Variants in PDE4B observed in about 807,000 individuals in gnomAD.
The protein encoded by PDE4B is 3',5'-cyclic-AMP phosphodiesterase 4B.
In PDE4B, 20 loss-of-function variants were observed where a neutral mutation model predicts 82.2. The observed-to-expected ratio is 0.24, with a 90% CI of 0.17 to 0.35. The LOEUF is 0.35. Among genes scored for constraint, PDE4B ranks in the 10% least tolerant of loss-of-function variants. PDE4B has a pLI of 1.00. For missense variants in PDE4B, 655 were observed against 907.2 expected, an observed-to-expected ratio of 0.72 and a Z score of 3.57; for synonymous variants, 320 against 318.9, an observed-to-expected ratio of 1.00 and a Z score of -0.04.
chr1:65,825,341 A>G (rs1321871761), intron 1 of PDE4B, among the ~76,000 whole-genome samples: 1 of 152,192 alleles, frequency 6.6e-6, no homozygotes, highest in Non-Finnish European at 1.5e-5. Context: ...GAACACAAGG[A>G]TGGAAAGAGA....
At chr1:66,322,621 C>A (rs749895157) in intron 7 of PDE4B, among the ~76,000 whole-genome samples, 3 of 151,894 alleles carry the variant, frequency 2.0e-5, no homozygotes, top group Non-Finnish European at 4.4e-5. Context: ...TACCATCTCA[C>A]GCCAGTTAGA....
At chr1:66,268,897 G>T (rs1027417824) in intron 7 of PDE4B, among the ~76,000 whole-genome samples, 16 of 151,910 alleles carry the variant, frequency 1.1e-4, no homozygotes, top group Admixed American at 9.2e-4. Flanking sequence ...AAGGCTTCTT[G>T]TGTGTCTCTC....
intron 3 of PDE4B, among the ~76,000 whole-genome samples, chr1:66,198,490 A>C (rs1648535138): frequency 6.6e-6 from 1 of 152,182 alleles, no homozygotes; most frequent in African/African-American, 2.4e-5. Context: ...TTTAAGTATA[A>C]TTCATCTTAG....
rs531718127 is a variant in PDE4B, at chr1:66,030,590, T to C, written c.281+111755T>C. The stretch of plus-strand genomic sequence containing the variant: ...GCTTTCTTCCTTATTCAATCTACTA[T>C]TTGACTCAGCAATCCACTACTGGGT... On this transcript the variant is annotated intron_variant, in intron 3 of 16. Coordinates refer to ENST00000341517, the MANE Select transcript of PDE4B (RefSeq NM_002600.4). Among the ~76,000 whole-genome samples, 14 of 152,308 alleles carry C rather than the reference T, an allele frequency of 9.2e-5. No homozygotes were observed. In the East Asian group the frequency reaches 2.3e-3, roughly 25 times the overall value.
At chr1:66,209,400 G>T (rs1258577582) in intron 3 of PDE4B, among the ~76,000 whole-genome samples, 1 of 152,146 alleles carries the variant, frequency 6.6e-6, no homozygotes, top group Non-Finnish European at 1.5e-5. Context: ...GCTCCTAACT[G>T]GATGTAGTGT....
chr1:66,041,018 G>A (rs1354061), intron 3 of PDE4B, among the ~76,000 whole-genome samples: 7,675 of 151,972 alleles, frequency 0.051, 567 homozygotes, highest in East Asian at 0.36. Context: ...TGGTAAGATT[G>A]GAAGTGGATA....
At position 66,363,277 on chromosome 1, in the gene PDE4B, AGGAG is replaced by A. The variant is rs1662954504; in HGVS notation, c.1119+12_1119+15del. On this transcript the variant is annotated intron_variant, in intron 11 of 16. Transcript: ENST00000341517. ...TATGCTATATTCCAGGTGAGTGAAC[AGGAG>A]TGAATACTGGCTTTCCAATTGGATG... 1 of 1,578,476 alleles carries A rather than the reference AGGAG, an allele frequency of 6.3e-7. No homozygotes were observed. The highest frequency in any genetic ancestry group is 1.4e-5 in the African/African-American group (1 of 73,820).
At chr1:66,326,312 G>C (rs1659748267) in intron 7 of PDE4B, among the ~76,000 whole-genome samples, 3 of 152,142 alleles carry the variant, frequency 2.0e-5, no homozygotes, top group Admixed American at 2.0e-4. Context: ...ACATACCTAT[G>C]TAACCAGTTC....
Position 66,374,542 on chromosome 1 carries a change from T to TTTATA in PDE4B, c.*1866_*1870dup, listed in dbSNP as rs1363989328. On this transcript the variant is annotated 3_prime_UTR_variant, in exon 17 of 17. Coordinates refer to ENST00000341517, the MANE Select transcript of PDE4B (RefSeq NM_002600.4). ...TGTTCAAATGCATTCTAAAGAGACT[T>TTTATA]TTATATGAGGTGAATAAAGAAAAGC... 1 of 152,664 alleles carries TTTATA rather than the reference T, an allele frequency of 6.6e-6. No homozygotes were observed. 9.5% of individuals were successfully genotyped at this position (152,664 alleles called of 1,614,324 possible). A position where few individuals can be genotyped will look rare whatever the true frequency, so the allele number is the denominator to read the frequency against.
At chr1:66,223,347 A>T (rs1557644114) in intron 3 of PDE4B, among the ~76,000 whole-genome samples, 1 of 152,172 alleles carries the variant, frequency 6.6e-6, no homozygotes, top group Non-Finnish European at 1.5e-5. Flanking sequence ...CAGGACCTTA[A>T]GGAAAAGGCT....
At chr1:66,368,579 T>A (rs1296358159) in intron 15 of PDE4B, among the ~76,000 whole-genome samples, 1 of 152,200 alleles carries the variant, frequency 6.6e-6, no homozygotes, top group Non-Finnish European at 1.5e-5. Context: ...AAGACACACG[T>A]TTTCCCCTTT....
At chr1:66,185,687 G>GT (rs1647177742) in intron 3 of PDE4B, among the ~76,000 whole-genome samples, 1 of 151,608 alleles carries the variant, frequency 6.6e-6, no homozygotes, top group Non-Finnish European at 1.5e-5. Flanking sequence ...TGATGGAGTT[G>GT]TTTTTTCTTG....
rs965930080 is a variant in PDE4B, at chr1:66,331,994, C to T, written c.635-514C>T. The T allele has an allele frequency of 1.5e-5, 15 of 1,030,132 alleles. No individual in the cohort carries two copies. In the Admixed American group the frequency reaches 4.2e-4, roughly 29 times the overall value. 63.8% of individuals were successfully genotyped at this position (1,030,132 alleles called of 1,614,324 possible). A position where few individuals can be genotyped will look rare whatever the true frequency, so the allele number is the denominator to read the frequency against. On this transcript the variant is annotated intron_variant, in intron 7 of 16. Coordinates refer to ENST00000341517, the MANE Select transcript of PDE4B (RefSeq NM_002600.4). ...GATGAATGACTGCCTAGACTTTGAA[C>T]GTAATGGTCAACCAGTTTTCACCCG...
chr1:66,231,032 TAA>T lies in PDE4B; in HGVS notation c.282-16409_282-16408del, dbSNP rs11285418. Among the ~76,000 whole-genome samples the T allele has an allele frequency of 9.4e-3, 999 of 106,836 alleles. 11 individuals are homozygous for T. The highest frequency in any genetic ancestry group is 0.027 in the African/African-American group (873 of 32,596). 70.1% of individuals were successfully genotyped at this position (106,836 alleles called of 152,430 possible). ...CTGGGTGACAGAGCGAGAATCTGTCTAAAAAAAAAAAAAAAAAAAATTCCTAA... is the reference window on the plus strand; with the variant it reads ...CTGGGTGACAGAGCGAGAATCTGTCTAAAAAAAAAAAAAAAAAATTCCTAA... On this transcript the variant is annotated intron_variant, in intron 3 of 16. Transcript: ENST00000341517.
intron 1 of PDE4B, among the ~76,000 whole-genome samples, chr1:65,886,364 T>C (rs1196803838): frequency 6.6e-6 from 1 of 152,168 alleles, no homozygotes; most frequent in East Asian, 1.9e-4. Flanking sequence ...GAATATGTAT[T>C]ATTTCTATGT....
chr1:65,858,439 A>ATGG (rs1243022481), intron 1 of PDE4B, among the ~76,000 whole-genome samples: 3 of 152,218 alleles, frequency 2.0e-5, no homozygotes, highest in African/African-American at 7.2e-5. Flanking sequence ...AACAGCCGTG[A>ATGG]TGGCTATTTG....
rs79898682 is a variant in PDE4B, at chr1:66,340,055, G to A, written c.747+7435G>A. Among the ~76,000 whole-genome samples the A allele has an allele frequency of 5.4e-3, 829 of 152,120 alleles. 4 individuals carry two copies. Among genetic ancestry groups the A allele is most frequent in the African/African-American group, 0.018 (746 of 41,530 alleles). ...GACTTACTAAACAAGAAGATGCCAGGGCAAATTTGTGCCACAGTCAATAGG... is the reference window on the plus strand; with the variant it reads ...GACTTACTAAACAAGAAGATGCCAGAGCAAATTTGTGCCACAGTCAATAGG... On this transcript the variant is annotated intron_variant, in intron 8 of 16. Coordinates refer to ENST00000341517, the MANE Select transcript of PDE4B (RefSeq NM_002600.4).
intron 3 of PDE4B, among the ~76,000 whole-genome samples, chr1:66,140,525 A>G (rs1646151320): frequency 6.6e-6 from 1 of 152,154 alleles, no homozygotes. Context: ...TACTATACCA[A>G]AAAAAAGTAA....
At chr1:66,045,139 G>A (rs1276322096) in intron 3 of PDE4B, among the ~76,000 whole-genome samples, 2 of 151,626 alleles carry the variant, frequency 1.3e-5, no homozygotes, top group Admixed American at 6.6e-5. Context: ...ACTTATGACT[G>A]TTTACAAACT....
Sources: allele counts gnomAD v4.1 joint callset (sites outside exome capture counted in the v4.1 genomes callset), GRCh38; gene constraint gnomAD v4.1.1; transcripts MANE v1.5; gene names NCBI Gene and HGNC (gene_info 2026-07-23, HGNC 2026-07-21).